CNOT2: variants seen among roughly 807,000 people sequenced by gnomAD.
CNOT2 encodes CCR4-NOT transcription complex subunit 2.
Under a neutral mutation model 72.1 loss-of-function variants are expected in CNOT2, and 7 were observed. The observed-to-expected ratio is 0.10, with a 90% CI of 0.06 to 0.18. The LOEUF (loss-of-function observed/expected upper bound fraction) is 0.18. CNOT2 is among the 10% of genes least tolerant of loss of function. The pLI is 1.00. For missense variants in CNOT2, 345 were observed against 660.3 expected (o/e 0.52, Z 5.23); for synonymous variants, 196 against 225.6 (o/e 0.87, Z 1.17).
chr12:70,248,433 A>T (rs1246339631), intron 1 of CNOT2, among the ~76,000 whole-genome samples: 4 of 152,154 alleles, frequency 2.6e-5, no homozygotes, highest in Admixed American at 2.6e-4. Context: ...GAATTTGATT[A>T]TTATTATCTT....
chr12:70,271,538 T>A (rs1231389362), intron 1 of CNOT2, among the ~76,000 whole-genome samples: 1 of 152,090 alleles, frequency 6.6e-6, no homozygotes, highest in Non-Finnish European at 1.5e-5. Flanking sequence ...CACGCCTGGC[T>A]AATTTTTGTA....
At chr12:70,262,661 T>C (rs546631153) in intron 1 of CNOT2, among the ~76,000 whole-genome samples, 1 of 151,702 alleles carries the variant, frequency 6.6e-6, no homozygotes, top group African/African-American at 2.4e-5. Context: ...TTATTTTGCC[T>C]TATTTTTTTT....
At chr12:70,299,506 G>A (rs926016194) in intron 2 of CNOT2, among the ~76,000 whole-genome samples, 2 of 151,912 alleles carry the variant, frequency 1.3e-5, no homozygotes, top group Non-Finnish European at 2.9e-5. Flanking sequence ...AGTTTGCTGA[G>A]AATAATGGTT....
At chr12:70,272,579 G>T (rs74101481) in intron 1 of CNOT2, among the ~76,000 whole-genome samples, 1 of 152,032 alleles carries the variant, frequency 6.6e-6, no homozygotes, top group African/African-American at 2.4e-5. Flanking sequence ...TGCTTATACC[G>T]TTAAGTCTGT....
intron 2 of CNOT2, among the ~76,000 whole-genome samples, chr12:70,288,052 C>G (rs1263589454): frequency 6.8e-6 from 1 of 148,068 alleles, no homozygotes; most frequent in African/African-American, 2.5e-5. Context: ...TCCTTCACCA[C>G]TTTTTGCTTA....
intron 1 of CNOT2, among the ~76,000 whole-genome samples, chr12:70,261,323 T>TTTTTTTTTTTTTTTTTTG (rs1958745157): frequency 7.7e-6 from 1 of 130,158 alleles, no homozygotes; most frequent in Non-Finnish European, 1.6e-5. Flanking sequence ...TTTTTTTTTT[T>TTTTTTTTTTTTTTTTTTG]TTTTTTTTTG....
intron 2 of CNOT2, among the ~76,000 whole-genome samples, chr12:70,292,690 G>A (rs2075056901): frequency 6.6e-6 from 1 of 152,166 alleles, no homozygotes; most frequent in East Asian, 1.9e-4. Context: ...TAATGGTGCA[G>A]GAGTCCATTG....
chr12:70,261,715 G>A (rs1958774722), intron 1 of CNOT2, among the ~76,000 whole-genome samples: 1 of 152,032 alleles, frequency 6.6e-6, no homozygotes, highest in Non-Finnish European at 1.5e-5. Context: ...CTTGTAAAAT[G>A]AATTAGGAAA....
chr12:70,332,109 G>A (rs538708271), intron 6 of CNOT2, among the ~76,000 whole-genome samples: 1 of 151,686 alleles, frequency 6.6e-6, no homozygotes, highest in Admixed American at 6.6e-5. Context: ...TATATGAAAG[G>A]TAAACTATAT....
chr12:70,353,586 T>TTAG (rs1883138878), intron 15 of CNOT2, among the ~76,000 whole-genome samples: 1 of 152,118 alleles, frequency 6.6e-6, no homozygotes, highest in South Asian at 2.1e-4. Flanking sequence ...AAGTGGTCCA[T>TTAG]TAGTAGTCTC....
chr12:70,298,489 T>A (rs192166226), intron 2 of CNOT2, among the ~76,000 whole-genome samples: 1 of 152,224 alleles, frequency 6.6e-6, no homozygotes, highest in Non-Finnish European at 1.5e-5. Flanking sequence ...ACTTCTCTGG[T>A]CCTTAGCTAC....
chr12:70,244,171 C>T (rs1334468626), intron 1 of CNOT2: 1 of 152,344 alleles, frequency 6.6e-6, no homozygotes, highest in Non-Finnish European at 1.5e-5. Context: ...GATGCCGCCT[C>T]TGCCACCGCA....
intron 2 of CNOT2, among the ~76,000 whole-genome samples, chr12:70,303,314 A>G (rs1489829329): frequency 6.6e-6 from 1 of 152,120 alleles, no homozygotes; most frequent in African/African-American, 2.4e-5. Context: ...CCTAGCCTTG[A>G]TGGTCTTTAC....
At chr12:70,319,720 C>CTG (rs35176886) in intron 4 of CNOT2, among the ~76,000 whole-genome samples, 13,471 of 149,606 alleles carry the variant, frequency 0.09, 700 homozygotes, top group Admixed American at 0.17. Context: ...ACTGGCTACT[C>CTG]TGTGTGTGTG....
chr12:70,318,782 CAT>C (rs1877790455), intron 3 of CNOT2, among the ~76,000 whole-genome samples: 1 of 151,784 alleles, frequency 6.6e-6, no homozygotes, highest in South Asian at 2.1e-4. Context: ...TGCACACACA[CAT>C]ATTTTCATTT....
At chr12:70,325,284 G>T (rs887370601) in intron 4 of CNOT2, among the ~76,000 whole-genome samples, 2 of 151,808 alleles carry the variant, frequency 1.3e-5, no homozygotes, top group Non-Finnish European at 2.9e-5. Flanking sequence ...TAATACTCTA[G>T]AACAGTGGTT....
At chr12:70,247,362 G>C (rs143957848) in intron 1 of CNOT2, among the ~76,000 whole-genome samples, 1 of 151,910 alleles carries the variant, frequency 6.6e-6, no homozygotes, top group Non-Finnish European at 1.5e-5. Flanking sequence ...CACCATGTTG[G>C]TCAGGCATGT....
At chr12:70,284,035 G>A (rs574601306) in intron 2 of CNOT2, among the ~76,000 whole-genome samples, 151 of 146,626 alleles carry the variant, frequency 1.0e-3, no homozygotes, top group African/African-American at 3.5e-3. Context: ...TCTGTCTCCT[G>A]GGTTGAAGCG....
intron 4 of CNOT2, among the ~76,000 whole-genome samples, chr12:70,320,101 T>A (rs1038624141): frequency 6.6e-6 from 1 of 151,714 alleles, no homozygotes; most frequent in Non-Finnish European, 1.5e-5. Flanking sequence ...TCTCTGTTAA[T>A]GTCAGATCTG....
Sources: allele counts gnomAD v4.1 joint callset (sites outside exome capture counted in the v4.1 genomes callset), GRCh38; gene constraint gnomAD v4.1.1; transcripts MANE v1.5; gene names NCBI Gene and HGNC (gene_info 2026-07-23, HGNC 2026-07-21).